Variants in LRRC4C observed in about 807,000 individuals in gnomAD.
LRRC4C encodes leucine-rich repeat-containing protein 4C.
In LRRC4C, 5 loss-of-function variants were observed where a neutral mutation model predicts 33.6. The ratio of observed to expected loss-of-function variants is 0.15; its 90% confidence interval spans 0.08 to 0.31. The LOEUF (loss-of-function observed/expected upper bound fraction) is 0.31. LRRC4C is among the 10% of genes least tolerant of loss of function. The pLI is 1.00. For synonymous variants in LRRC4C, 329 were observed against 302.0 expected (o/e 1.09, Z -0.93); for missense variants, 560 against 796.7 (o/e 0.70, Z 3.58).
At chr11:40,633,373 C>CTTTCTTTCTTTCTT (rs759611504) in intron 3 of LRRC4C, among the ~76,000 whole-genome samples, 8 of 36,090 alleles carry the variant, frequency 2.2e-4, no homozygotes, top group African/African-American at 4.8e-4. Flanking sequence ...TTCTTTCTTT[C>CTTTCTTTCTTTCTT]TCTCTCTTTC....
intron 2 of LRRC4C, among the ~76,000 whole-genome samples, chr11:40,750,274 C>T (rs1948616864): frequency 6.6e-6 from 1 of 151,994 alleles, no homozygotes; most frequent in Admixed American, 6.6e-5. Context: ...ATTCTACCAA[C>T]TATATAATGA....
intron 1 of LRRC4C, among the ~76,000 whole-genome samples, chr11:41,383,148 A>T (rs1953222276): frequency 6.6e-6 from 1 of 152,086 alleles, no homozygotes. Flanking sequence ...GCAATTGCTT[A>T]TCAGAAAAGA....
At chr11:40,725,985 TAGATCCTC>T (rs1947275810) in intron 2 of LRRC4C, among the ~76,000 whole-genome samples, 1 of 152,050 alleles carries the variant, frequency 6.6e-6, no homozygotes, top group Non-Finnish European at 1.5e-5. Context: ...AATCCCACAA[TAGATCCTC>T]AGAGATTATT....
chr11:40,788,259 A>G (rs1211466084), intron 2 of LRRC4C, among the ~76,000 whole-genome samples: 1 of 152,116 alleles, frequency 6.6e-6, no homozygotes, highest in Non-Finnish European at 1.5e-5. Context: ...AATACATTCA[A>G]AGCAGCTTGG....
intron 5 of LRRC4C, among the ~76,000 whole-genome samples, chr11:40,179,671 G>A (rs1860820813): frequency 6.6e-6 from 1 of 152,260 alleles, no homozygotes; most frequent in South Asian, 2.1e-4. Context: ...CACGTGCCTT[G>A]GAAATGTCAG....
At chr11:40,980,886 C>T (rs187474049) in intron 1 of LRRC4C, among the ~76,000 whole-genome samples, 1 of 152,284 alleles carries the variant, frequency 6.6e-6, no homozygotes, top group East Asian at 1.9e-4. Flanking sequence ...AGGCTCTGTG[C>T]TCAGAGTGAG....
At chr11:40,362,991 T>C (rs554746506) in intron 3 of LRRC4C, among the ~76,000 whole-genome samples, 1 of 152,308 alleles carries the variant, frequency 6.6e-6, no homozygotes, top group African/African-American at 2.4e-5. Context: ...TCAGCCATTG[T>C]GGAAGACAGT....
At chr11:40,297,926 C>T (rs966956615) in intron 4 of LRRC4C, among the ~76,000 whole-genome samples, 1 of 152,170 alleles carries the variant, frequency 6.6e-6, no homozygotes, top group African/African-American at 2.4e-5. Flanking sequence ...CCTACTATTA[C>T]TTATTGTGAT....
intron 3 of LRRC4C, among the ~76,000 whole-genome samples, chr11:40,620,058 G>GAAAAA (rs11344920): frequency 1.5e-5 from 2 of 133,672 alleles, no homozygotes; most frequent in Non-Finnish European, 3.2e-5. Flanking sequence ...AAAAATACCT[G>GAAAAA]AAAAAAAAAA....
intron 2 of LRRC4C, among the ~76,000 whole-genome samples, chr11:40,840,459 A>C (rs1248500594): frequency 6.6e-6 from 1 of 152,218 alleles, no homozygotes; most frequent in Non-Finnish European, 1.5e-5. Context: ...GGAATAGAAA[A>C]AGCAGATTTT....
intron 1 of LRRC4C, among the ~76,000 whole-genome samples, chr11:41,335,808 A>G (rs1030134538): frequency 1.3e-5 from 2 of 152,140 alleles, no homozygotes; most frequent in African/African-American, 4.8e-5. Context: ...CTCTTCTCCA[A>G]GCTTCTTTTT....
chr11:40,317,538 G>A (rs1263864069), intron 4 of LRRC4C, among the ~76,000 whole-genome samples: 1 of 152,048 alleles, frequency 6.6e-6, no homozygotes, highest in Non-Finnish European at 1.5e-5. Flanking sequence ...ATGCAGGCAA[G>A]TTTCTCAATG....
chr11:41,033,040 G>A (rs1856819788), intron 1 of LRRC4C, among the ~76,000 whole-genome samples: 1 of 151,826 alleles, frequency 6.6e-6, no homozygotes, highest in African/African-American at 2.4e-5. Flanking sequence ...AAAACAGAAG[G>A]GTCTATTTTT....
intron 2 of LRRC4C, among the ~76,000 whole-genome samples, chr11:40,904,402 TA>T (rs1430951950): frequency 6.6e-6 from 1 of 150,910 alleles, no homozygotes; most frequent in Non-Finnish European, 1.5e-5. Context: ...GCTGGCAAAA[TA>T]TTTTTTTTTC....
At chr11:40,993,055 T>G (rs2137275454) in intron 1 of LRRC4C, among the ~76,000 whole-genome samples, 1 of 152,312 alleles carries the variant, frequency 6.6e-6, no homozygotes, top group African/African-American at 2.4e-5. Context: ...ACTAGAGAAC[T>G]ATGGCAATTA....
chr11:40,960,351 T>C (rs1850891512), intron 1 of LRRC4C, among the ~76,000 whole-genome samples: 1 of 151,820 alleles, frequency 6.6e-6, no homozygotes, highest in African/African-American at 2.4e-5. Flanking sequence ...TATTTGAACT[T>C]AGTATTTATT....
At position 40,278,341 on chromosome 11, in the gene LRRC4C, C is replaced by T. The variant is rs527860229; in HGVS notation, c.-175-36743G>A. On this transcript the variant is annotated intron_variant, in intron 4 of 6. Transcript: ENST00000528697. ...GCGTATGTCACTGCTAAGACCTTTG[C>T]AACAACAGTTAGATTAAATCAAAGC... Among the ~76,000 whole-genome samples the T allele has an allele frequency of 7.1e-4, 108 of 152,230 alleles. 1 individual carries two copies. The highest frequency in any genetic ancestry group is 2.5e-3 in the African/African-American group (102 of 41,556).
At chr11:40,965,006 A>T (rs1325330002) in intron 1 of LRRC4C, among the ~76,000 whole-genome samples, 1 of 151,996 alleles carries the variant, frequency 6.6e-6, no homozygotes, top group East Asian at 1.9e-4. Context: ...AATTGTTCCT[A>T]TTTCTCCACA....
intron 5 of LRRC4C, among the ~76,000 whole-genome samples, chr11:40,173,632 T>C (rs575105496): frequency 1.3e-5 from 2 of 152,310 alleles, no homozygotes; most frequent in South Asian, 4.1e-4. Context: ...CTATACATTA[T>C]TATGGAAACA....
Sources: gnomAD v4.1 joint callset for allele counts (sites outside exome capture counted in the v4.1 genomes callset) on GRCh38, gnomAD v4.1.1 for gene constraint, MANE v1.5 for transcripts, NCBI Gene and HGNC (gene_info 2026-07-23, HGNC 2026-07-21) for gene names.